Variants in SRP54 observed in about 807,000 individuals in gnomAD.
The protein encoded by SRP54 is signal recognition particle subunit SRP54.
Under a neutral mutation model 64.8 loss-of-function variants are expected in SRP54, and 10 were observed. The ratio of observed to expected loss-of-function variants is 0.15; its 90% CI spans 0.10 to 0.26. The LOEUF (loss-of-function observed/expected upper bound fraction) is 0.26. SRP54 is among the 10% of genes least tolerant of loss of function. The pLI is 1.00. For missense variants in SRP54, 325 were observed against 613.7 expected (o/e 0.53, Z 4.97); for synonymous variants, 193 against 185.6 (o/e 1.04, Z -0.32).
chr14:34,992,583 A>G (rs1350349683), intron 1 of SRP54, among the ~76,000 whole-genome samples: 5 of 152,178 alleles, frequency 3.3e-5, no homozygotes, highest in Admixed American at 3.3e-4. Flanking sequence ...AGTGAGAGCT[A>G]AACATAGGTA....
rs59878870 is a variant in SRP54 at position 35,000,562 on chromosome 14, C to CA, written c.171-361dup. 7.6e-4 allele frequency among the ~76,000 whole-genome samples: 93 copies of CA among 121,976 alleles called. 1 individual carries two copies. The highest frequency in any genetic ancestry group is 4.5e-3 in the Middle Eastern group (1 of 222). The allele number at this position is 121,976 out of a possible 152,430, so 80.0% of individuals were successfully genotyped here. A position where few individuals can be genotyped will look rare whatever the true frequency, so the allele number is the denominator to read the frequency against. On this transcript the variant is annotated intron_variant, in intron 3 of 15. Coordinates refer to ENST00000216774, the MANE Select transcript of SRP54 (RefSeq NM_003136.4). ...ATCCTGGCTGATAGTGAGACTGTCTCAAAAAAAAAAAAAGAAAAAAGAAAG... is the reference window on the plus strand; with the variant it reads ...ATCCTGGCTGATAGTGAGACTGTCTCAAAAAAAAAAAAAAGAAAAAAGAAAG...
At chr14:34,988,578 A>AAATATATATAT (rs1384552218) in intron 1 of SRP54, among the ~76,000 whole-genome samples, 1 of 47,102 alleles carries the variant, frequency 2.1e-5, no homozygotes. Flanking sequence ...AAAAAAAAAA[A>AAATATATATAT]ATATATATAT....
intron 4 of SRP54, among the ~76,000 whole-genome samples, chr14:35,003,563 G>GT (rs1408074952): frequency 8.7e-6 from 1 of 115,456 alleles, no homozygotes; most frequent in Non-Finnish European, 1.9e-5. Context: ...TGTTTTTTTG[G>GT]TTTTTTTGGT....
intron 1 of SRP54, among the ~76,000 whole-genome samples, chr14:34,988,578 A>AAAAAAAAAAAAATATATATAT (rs1384552218): frequency 3.0e-4 from 14 of 47,096 alleles, no homozygotes; most frequent in Non-Finnish European, 4.3e-4. Flanking sequence ...AAAAAAAAAA[A>AAAAAAAAAAAAATATATATAT]ATATATATAT....
intron 2 of SRP54, 31 bp from the exon 3 acceptor site, chr14:34,999,527 C>A (rs1403348199): frequency 2.0e-6 from 3 of 1,528,736 alleles, no homozygotes; most frequent in African/African-American, 2.7e-5. Context: ...ACATTGGGTG[C>A]TTTAAATTTC....
At chr14:35,019,771 T>G (rs1049019023) in intron 13 of SRP54, among the ~76,000 whole-genome samples, 3 of 152,222 alleles carry the variant, frequency 2.0e-5, no homozygotes, top group Non-Finnish European at 4.4e-5. Context: ...TCATACAGAT[T>G]GTTTTGGTTT....
chr14:34,985,867 G>A (rs377519392), intron 1 of SRP54, among the ~76,000 whole-genome samples: 3 of 152,078 alleles, frequency 2.0e-5, no homozygotes, highest in African/African-American at 7.2e-5. Context: ...TTACTGATAG[G>A]CATTATCTAA....
At chr14:34,995,187 G>A (rs1294488604) in intron 1 of SRP54, among the ~76,000 whole-genome samples, 3 of 99,334 alleles carry the variant, frequency 3.0e-5, no homozygotes, top group African/African-American at 6.9e-5. Context: ...GTGTGTGTGT[G>A]TAGAGAGAGA....
chr14:35,028,251 C>A, intron 15 of SRP54, 68 bp downstream of exon 15: 1 of 935,118 alleles, frequency 1.1e-6, no homozygotes, highest in Non-Finnish European at 1.6e-6. Flanking sequence ...TAATGATAAG[C>A]CTTTTATTGT....
rs967265914 is a variant in SRP54 at position 35,029,465 on chromosome 14, T to TCC, written c.*314_*315insCC. On this transcript the variant is annotated 3_prime_UTR_variant, in exon 16 of 16. Transcript: ENST00000216774. Reference sequence around the variant, plus strand: ...TTTAGTACTTAAAGGTTTTTAATTATCTCGAAGGCCAAGCATTGCATTTGT... The same window carrying TCC: ...TTTAGTACTTAAAGGTTTTTAATTATCCCTCGAAGGCCAAGCATTGCATTTGT... 3 of 221,880 alleles carry TCC rather than the reference T, an allele frequency of 1.4e-5. No homozygotes were observed. The highest frequency in any genetic ancestry group is 6.9e-5 in the African/African-American group (3 of 43,180). The allele number at this position is 221,880 out of a possible 1,614,324, so 13.7% of individuals were successfully genotyped here.
At chr14:35,016,708 G>A (rs1030612696) in intron 11 of SRP54, among the ~76,000 whole-genome samples, 1 of 152,174 alleles carries the variant, frequency 6.6e-6, no homozygotes, top group African/African-American at 2.4e-5. Flanking sequence ...GGTGAAGGTA[G>A]AGGTCATAGC....
At chr14:35,026,532 G>T (rs2044628625) in intron 14 of SRP54, among the ~76,000 whole-genome samples, 2 of 152,108 alleles carry the variant, frequency 1.3e-5, no homozygotes, top group African/African-American at 2.4e-5. Context: ...CCTCACCCAG[G>T]CTGCATCTCT....
chr14:34,996,628 C>T (rs2138975320), intron 1 of SRP54, 49 bp from the exon 2 acceptor site: 1 of 936,448 alleles, frequency 1.1e-6, no homozygotes, highest in East Asian at 2.4e-5. Flanking sequence ...ACTCTTCAGT[C>T]ATGGGAAGTG....
At position 35,011,615 on chromosome 14, in the gene SRP54, G is replaced by C; in HGVS notation, c.592G>C (p.Glu198Gln). The change falls in exon 8 of 16, where the codon GAA (glutamate) becomes CAA (glutamine). Residue 198 changes from glutamate to glutamine, a missense_variant. Transcript: ENST00000216774. ...TGATACAAGTGGCCGCCACAAACAA[G>C]AAGACTCTTTGTTTGAAGAAATGCT... ...IVDTSGRHKQ[E>Q]DSLFEEMLQV... is the part of the protein sequence containing the mutation. 6.3e-7 allele frequency: 1 copy of C among 1,590,482 alleles called. No individual in the cohort carries two copies. Among genetic ancestry groups the C allele is most frequent in the Non-Finnish European group, 8.6e-7 (1 of 1,165,604 alleles).
At chr14:35,002,682 G>A (rs2044194169) in intron 4 of SRP54, among the ~76,000 whole-genome samples, 1 of 148,670 alleles carries the variant, frequency 6.7e-6, no homozygotes, top group African/African-American at 2.5e-5. Flanking sequence ...TGATCTGCCT[G>A]CCTTAGCCTC....
chr14:35,002,737 C>CTTTT (rs71121258), intron 4 of SRP54, among the ~76,000 whole-genome samples: 1 of 95,012 alleles, frequency 1.1e-5, no homozygotes. Context: ...GCCTGGCCTC[C>CTTTT]TTTTTTTTTT....
In SRP54 at chr14:35,023,125, G is replaced by A. The variant is rs548521401; in HGVS notation, c.1327+45G>A. On this transcript the variant is annotated intron_variant, in intron 14 of 15. Coordinates refer to ENST00000216774, the MANE Select transcript of SRP54 (RefSeq NM_003136.4). ...TATTAGTTAACAGACGGAAAAGAAA[G>A]GAAGTTGAGAAAAAAGAGTGCTGCC... is the stretch of plus-strand genomic sequence containing the variant. The A allele has an allele frequency of 8.1e-6, 12 of 1,487,760 alleles. No homozygotes were observed. The Admixed American group carries it at 2.1e-4, about 26-fold the overall frequency. The allele number at this position is 1,487,760 out of a possible 1,614,324, so 92.2% of individuals were successfully genotyped here.
chr14:34,991,361 C>G (rs953858892), intron 1 of SRP54, among the ~76,000 whole-genome samples: 3 of 151,578 alleles, frequency 2.0e-5, no homozygotes, highest in African/African-American at 4.9e-5. Context: ...AACTCCTGAC[C>G]TCAGGCAATC....
intron 1 of SRP54, among the ~76,000 whole-genome samples, chr14:34,987,389 G>A (rs1232157956): frequency 6.6e-6 from 1 of 150,918 alleles, no homozygotes; most frequent in East Asian, 1.9e-4. Flanking sequence ...ATCAATTTTC[G>A]TACATTTTTA....
Sources: gnomAD v4.1 joint callset for allele counts (sites outside exome capture counted in the v4.1 genomes callset) on GRCh38, gnomAD v4.1.1 for gene constraint, MANE v1.5 for transcripts, NCBI Gene and HGNC (gene_info 2026-07-23, HGNC 2026-07-21) for gene names.